Variants in MAPK6 observed in about 807,000 individuals in gnomAD.
MAPK6 encodes ERK-3.
In MAPK6, 19 loss-of-function variants were observed where a neutral mutation model predicts 59.3. That is an observed-to-expected ratio of 0.32 (90% CI 0.22 to 0.47). The LOEUF (loss-of-function observed/expected upper bound fraction) is 0.47. Among genes scored for constraint, MAPK6 ranks in the 20% least tolerant of loss-of-function variants. The probability of loss-of-function intolerance (pLI) is 1.00; values close to 1 mark genes in which losing one functional copy is unlikely to be tolerated. For missense variants in MAPK6, 724 were observed against 847.9 expected (o/e 0.85, Z 1.81); for synonymous variants, 316 against 290.3 (o/e 1.09, Z -0.90).
Position 52,046,506 on chromosome 15 carries a change from C to A in MAPK6, c.46C>A (p.Leu16Met). 6.2e-7 allele frequency: 1 copy of A among 1,612,188 alleles called. No homozygotes were observed. Among genetic ancestry groups the A allele is most frequent in the Non-Finnish European group, 8.5e-7 (1 of 1,179,378 alleles). ...TCTCATGAACATTCATGGTTTTGAT[C>A]TGGGTTCTAGGTATATGGACTTAAA... ...ESLMNIHGFD[L>M]GSRYMDLKPL... The change falls in exon 2 of 6, where the codon CTG becomes ATG. Residue 16 changes from leucine to methionine, a missense_variant. Coordinates refer to ENST00000261845, the MANE Select transcript of MAPK6 (RefSeq NM_002748.4).
intron 1 of MAPK6, among the ~76,000 whole-genome samples, chr15:52,037,884 ATGC>A: frequency 1.3e-5 from 2 of 152,328 alleles, no homozygotes; most frequent in Middle Eastern, 6.8e-3. Context: ...ACCAGGTACT[ATGC>A]TTAGGAAATG....
At chr15:52,005,540 G>A (rs1595964862) in intron 3 of MAPK6, among the ~76,000 whole-genome samples, 2 of 151,096 alleles carry the variant, frequency 1.3e-5, no homozygotes, top group East Asian at 3.9e-4. Context: ...AAAAAAAAAA[G>A]AGAGAGAGAG....
intron 3 of MAPK6, among the ~76,000 whole-genome samples, chr15:52,014,120 TACTC>T (rs2030167052): frequency 6.6e-6 from 1 of 151,870 alleles, no homozygotes; most frequent in Admixed American, 6.6e-5. Context: ...CCAGCTCAAA[TACTC>T]TCTCTCCCTG....
chr15:52,060,440 G>C (rs2032155624), intron 4 of MAPK6, among the ~76,000 whole-genome samples: 1 of 152,134 alleles, frequency 6.6e-6, no homozygotes, highest in African/African-American at 2.4e-5. Context: ...TAAAGAGAAG[G>C]CCAGATAGCA....
At chr15:52,027,349 C>CAAAAAAAAA (rs71130120) in intron 1 of MAPK6, among the ~76,000 whole-genome samples, 39,090 of 48,996 alleles carry the variant, frequency 0.8, 17,064 homozygotes, top group South Asian at 0.87. Context: ...GACTCCCTCT[C>CAAAAAAAAA]AAAAAAAAAA....
At chr15:51,992,299 A>C (rs961155642) in intron 2 of MAPK6, among the ~76,000 whole-genome samples, 3,644 of 48,116 alleles carry the variant, frequency 0.076, 106 homozygotes, top group Admixed American at 0.21. Flanking sequence ...ATCTATATAT[A>C]TATATATTTT....
At chr15:52,058,896 C>T in intron 4 of MAPK6, 99 bp downstream of exon 4, 1 of 995,552 alleles carries the variant, frequency 1.0e-6, no homozygotes, top group East Asian at 2.7e-5. Flanking sequence ...ATGGGGCTTT[C>T]TCCAAAATAG....
At chr15:52,011,783 T>A (rs559943733) in intron 3 of MAPK6, among the ~76,000 whole-genome samples, 45 of 152,350 alleles carry the variant, frequency 3.0e-4, no homozygotes, top group Non-Finnish European at 4.4e-4. Context: ...GGCAATGAAT[T>A]TCTTCAGTGG....
chr15:52,037,526 T>A (rs1272423109), intron 1 of MAPK6, among the ~76,000 whole-genome samples: 2 of 152,190 alleles, frequency 1.3e-5, no homozygotes, highest in Non-Finnish European at 2.9e-5. Flanking sequence ...TATAGGATGC[T>A]ATTTCAGTGG....
intron 2 of MAPK6, among the ~76,000 whole-genome samples, chr15:51,991,692 G>A (rs1419555938): frequency 4.6e-5 from 7 of 152,302 alleles, no homozygotes; most frequent in African/African-American, 7.2e-5. Flanking sequence ...TAGGGTTGCC[G>A]ACATCGGCAA....
chr15:52,039,948 G>A (rs1351488151), intron 1 of MAPK6, among the ~76,000 whole-genome samples: 1 of 152,182 alleles, frequency 6.6e-6, no homozygotes, highest in African/African-American at 2.4e-5. Flanking sequence ...AAGGTCCCAT[G>A]TCTTTTCCCA....
At chr15:52,000,196 C>T (rs2057238146) in intron 2 of MAPK6, among the ~76,000 whole-genome samples, 2 of 152,146 alleles carry the variant, frequency 1.3e-5, no homozygotes, top group South Asian at 4.1e-4. Flanking sequence ...GCCTCAGCCT[C>T]CCAAAGTATT....
At chr15:52,055,760 C>T (rs1566912531) in intron 3 of MAPK6, among the ~76,000 whole-genome samples, 1 of 152,176 alleles carries the variant, frequency 6.6e-6, no homozygotes, top group Non-Finnish European at 1.5e-5. Context: ...AGGTCATTAC[C>T]TGCCTCAGCC....
Position 52,050,257 on chromosome 15 carries a change from C to T in MAPK6, c.700+120C>T, listed in dbSNP as rs190021706. 1.2e-4 allele frequency: 105 copies of T among 882,844 alleles called. No homozygotes were observed. In the African/African-American group the frequency reaches 1.8e-3, roughly 15 times the overall value. The allele number at this position is 882,844 out of a possible 1,614,324, so 54.7% of individuals were successfully genotyped here. On this transcript the variant is annotated intron_variant, in intron 3 of 5. Coordinates refer to ENST00000261845, the MANE Select transcript of MAPK6 (RefSeq NM_002748.4). ...TTATGATCTGTAATACTAAAATGAA[C>T]AGATAAATTGGCGTTTTTAATAAAA... is the stretch of plus-strand genomic sequence containing the variant.
intron 2 of MAPK6, among the ~76,000 whole-genome samples, chr15:51,989,854 T>A (rs983245650): frequency 6.6e-6 from 1 of 152,230 alleles, no homozygotes; most frequent in Non-Finnish European, 1.5e-5. Flanking sequence ...TCCTCCCACC[T>A]CAGCTTCCTG....
intron 1 of MAPK6, among the ~76,000 whole-genome samples, chr15:51,976,052 G>A (rs1255278531): frequency 6.6e-6 from 1 of 151,640 alleles, no homozygotes; most frequent in African/African-American, 2.4e-5. Flanking sequence ...GGATCACGAG[G>A]TCAGGAAAGC....
At chr15:52,054,753 T>C (rs866364735) in intron 3 of MAPK6, among the ~76,000 whole-genome samples, 26 of 148,068 alleles carry the variant, frequency 1.8e-4, no homozygotes, top group African/African-American at 6.5e-4. Flanking sequence ...CACACACATA[T>C]ACACATACAT....
At chr15:52,037,027 C>T (rs1298867019) in intron 1 of MAPK6, among the ~76,000 whole-genome samples, 5 of 152,018 alleles carry the variant, frequency 3.3e-5, no homozygotes, top group African/African-American at 9.7e-5. Context: ...TGGCCAGATG[C>T]GGGGCTGATC....
At chr15:51,997,883 C>T (rs547666022) in intron 2 of MAPK6, among the ~76,000 whole-genome samples, 3 of 151,376 alleles carry the variant, frequency 2.0e-5, no homozygotes, top group African/African-American at 7.3e-5. Context: ...TGAGTCACCA[C>T]GCCCGGCCTT....
Sources: allele counts gnomAD v4.1 joint callset (sites outside exome capture counted in the v4.1 genomes callset), GRCh38; gene constraint gnomAD v4.1.1; transcripts MANE v1.5; gene names NCBI Gene and HGNC (gene_info 2026-07-23, HGNC 2026-07-21).